SNX29: variants seen among roughly 807,000 people sequenced by gnomAD.
The protein encoded by SNX29 is sorting nexin 29, also known as sorting nexin-29.
SNX29 carries 78 observed loss-of-function variants against 102.1 expected under a neutral mutation model. The observed-to-expected ratio is 0.76, with a 90% CI of 0.64 to 0.92. The LOEUF is 0.92. SNX29 is among the 40% of genes least tolerant of loss of function. The pLI, the probability that SNX29 is intolerant of heterozygous loss-of-function variation, is 0.00. For synonymous variants in SNX29, 580 were observed against 414.5 expected (o/e 1.40, Z -4.85); for missense variants, 1,280 against 1,061.7 (o/e 1.21, Z -2.86).
intron 20 of SNX29, among the ~76,000 whole-genome samples, chr16:12,555,307 C>G (rs774907543): frequency 2.0e-5 from 3 of 151,614 alleles, no homozygotes; most frequent in Non-Finnish European, 2.9e-5. Flanking sequence ...CAGTCAATCC[C>G]TCTCATAGCC....
chr16:12,332,108 A>G (rs1457720288), intron 15 of SNX29, among the ~76,000 whole-genome samples: 1 of 152,158 alleles, frequency 6.6e-6, no homozygotes, highest in Non-Finnish European at 1.5e-5. Context: ...AGCATTACTT[A>G]CTTTTGCTGT....
intron 20 of SNX29, among the ~76,000 whole-genome samples, chr16:12,564,899 G>A (rs563414325): frequency 5.4e-5 from 8 of 148,586 alleles, no homozygotes; most frequent in African/African-American, 7.5e-5. Context: ...TGGGGAGGAG[G>A]CATCTGCAGC....
intron 14 of SNX29, among the ~76,000 whole-genome samples, chr16:12,231,654 T>C (rs542415913): frequency 6.6e-6 from 1 of 152,362 alleles, no homozygotes; most frequent in South Asian, 2.1e-4. Flanking sequence ...GGATGTGGTC[T>C]CATAGGCAGA....
intron 19 of SNX29, among the ~76,000 whole-genome samples, chr16:12,501,483 A>G (rs943135342): frequency 2.0e-5 from 3 of 152,116 alleles, no homozygotes; most frequent in Non-Finnish European, 4.4e-5. Flanking sequence ...GCACTTTGGG[A>G]GGCTGAGGTG....
intron 13 of SNX29, among the ~76,000 whole-genome samples, chr16:12,147,779 A>G (rs2055126811): frequency 6.6e-6 from 1 of 152,192 alleles, no homozygotes; most frequent in African/African-American, 2.4e-5. Flanking sequence ...ACAAGGTGGC[A>G]ATTTCCATGT....
intron 20 of SNX29, among the ~76,000 whole-genome samples, chr16:12,566,524 C>T (rs938325881): frequency 6.6e-6 from 1 of 152,208 alleles, no homozygotes; most frequent in Admixed American, 6.5e-5. Context: ...GACCCCGCAT[C>T]TGAAGAGCAT....
chr16:12,526,669 C>T (rs749269654), intron 20 of SNX29: 14 of 510,604 alleles, frequency 2.7e-5, no homozygotes, highest in South Asian at 9.8e-5. Context: ...GGAGTCATCA[C>T]GCATCGACTG....
In SNX29 at chr16:12,572,369, C is replaced by G. The variant is rs562688872; in HGVS notation, c.*3740C>G. On this transcript the variant is annotated 3_prime_UTR_variant, in exon 21 of 21. Coordinates refer to ENST00000566228, the MANE Select transcript of SNX29 (RefSeq NM_032167.5). Reference sequence around the variant, plus strand: ...GTTGATGGACAGCAGGCTCTGCCTTCTGGAGGCGGCTTATATCCCAACAGC... The same window carrying G: ...GTTGATGGACAGCAGGCTCTGCCTTGTGGAGGCGGCTTATATCCCAACAGC... The G allele has an allele frequency of 1.0e-5, 11 of 1,062,968 alleles. No homozygotes were observed. The South Asian group carries it at 4.1e-4, about 40-fold the overall frequency. 65.8% of individuals were successfully genotyped at this position (1,062,968 alleles called of 1,614,324 possible). A position where few individuals can be genotyped will look rare whatever the true frequency, so the allele number is the denominator to read the frequency against.
chr16:12,473,603 A>G (rs7191815), intron 18 of SNX29, among the ~76,000 whole-genome samples: 15,198 of 152,242 alleles, frequency 0.1, 1,213 homozygotes, highest in African/African-American at 0.22. Flanking sequence ...GCTGAGACCT[A>G]CTGGGCTGCA....
At chr16:12,471,185 A>G (rs1252626295) in intron 18 of SNX29, among the ~76,000 whole-genome samples, 3 of 152,004 alleles carry the variant, frequency 2.0e-5, no homozygotes, top group African/African-American at 4.8e-5. Context: ...AAGCTTTTAC[A>G]TCTTCATTCT....
At chr16:12,559,885 A>C (rs748968122) in intron 20 of SNX29, among the ~76,000 whole-genome samples, 3 of 152,216 alleles carry the variant, frequency 2.0e-5, no homozygotes, top group Non-Finnish European at 4.4e-5. Context: ...AGGCTGAGGC[A>C]GGAGAATGGC....
chr16:12,565,755 C>A (rs1398209942), intron 20 of SNX29, among the ~76,000 whole-genome samples: 1 of 152,184 alleles, frequency 6.6e-6, no homozygotes, highest in African/African-American at 2.4e-5. Context: ...ATGGGCCTGC[C>A]ACCTTCACCT....
intron 19 of SNX29, among the ~76,000 whole-genome samples, chr16:12,493,559 C>A (rs1042392302): frequency 3.9e-5 from 6 of 152,198 alleles, no homozygotes; most frequent in Non-Finnish European, 5.9e-5. Flanking sequence ...CTGGCCAGAA[C>A]TTCCAACACT....
intron 3 of SNX29, among the ~76,000 whole-genome samples, chr16:12,015,957 C>T (rs2056834918): frequency 6.6e-6 from 1 of 151,680 alleles, no homozygotes; most frequent in Non-Finnish European, 1.5e-5. Flanking sequence ...CTCCACTTCC[C>T]AGGTTCAAGC....
intron 1 of SNX29, among the ~76,000 whole-genome samples, chr16:11,989,274 G>T (rs968244675): frequency 6.6e-6 from 1 of 151,974 alleles, no homozygotes; most frequent in African/African-American, 2.4e-5. Context: ...TGCCCGGCCT[G>T]CTCTAGAGTA....
intron 18 of SNX29, among the ~76,000 whole-genome samples, chr16:12,476,830 G>C (rs1413780825): frequency 6.6e-6 from 1 of 152,072 alleles, no homozygotes; most frequent in Non-Finnish European, 1.5e-5. Flanking sequence ...TTTCACGTAG[G>C]AACAGAATTT....
rs933399931 is a variant in SNX29 at position 12,573,963 on chromosome 16, C to T, written c.*5334C>T. ...TTTTTGAATGGAGGAGCGATGGTAA[C>T]CCCACTAGGGGGCGCCCATGATCGG... On this transcript the variant is annotated 3_prime_UTR_variant, in exon 21 of 21. Coordinates refer to ENST00000566228, the MANE Select transcript of SNX29 (RefSeq NM_032167.5). The T allele has an allele frequency of 3.5e-5, 7 of 199,232 alleles. No individual in the cohort carries two copies. The highest frequency in any genetic ancestry group is 5.2e-5 in the Non-Finnish European group (5 of 96,410). The allele number at this position is 199,232 out of a possible 1,614,324, so 12.3% of individuals were successfully genotyped here. A position where few individuals can be genotyped will look rare whatever the true frequency, so the allele number is the denominator to read the frequency against.
At chr16:12,550,653 A>G (rs1046715698) in intron 20 of SNX29, among the ~76,000 whole-genome samples, 1 of 152,138 alleles carries the variant, frequency 6.6e-6, no homozygotes, top group Non-Finnish European at 1.5e-5. Flanking sequence ...ACCGTCACTT[A>G]GTGGAGGACC....
At chr16:12,465,378 A>G (rs930881502) in intron 18 of SNX29, among the ~76,000 whole-genome samples, 2 of 152,134 alleles carry the variant, frequency 1.3e-5, no homozygotes, top group Admixed American at 6.6e-5. Context: ...CTATTTCATG[A>G]TAATTTTTAT....
Sources: gnomAD v4.1 joint callset for allele counts (sites outside exome capture counted in the v4.1 genomes callset) on GRCh38, gnomAD v4.1.1 for gene constraint, MANE v1.5 for transcripts, NCBI Gene and HGNC (gene_info 2026-07-23, HGNC 2026-07-21) for gene names.